PEPD: variants seen among roughly 807,000 people sequenced by gnomAD.
PEPD encodes the protein peptidase D.
A neutral mutation model predicts 60.7 loss-of-function variants in PEPD; 53 were observed. The ratio of observed to expected loss-of-function variants is 0.87; its 90% CI spans 0.70 to 1.10. The LOEUF (loss-of-function observed/expected upper bound fraction) is 1.10, where lower values mean the gene tolerates loss of function less well. Among genes scored for constraint, PEPD ranks in the 50% least tolerant of loss-of-function variants. The pLI, the probability that PEPD is intolerant of heterozygous loss-of-function variation, is 0.00. For synonymous variants in PEPD, 267 were observed against 284.1 expected (o/e 0.94, Z 0.60); for missense variants, 711 against 711.9 (o/e 1.00, Z 0.01).
chr19:33,387,580 G>A (rs1374617870), intron 14 of PEPD, 99 bp from the exon 15 acceptor site: 2 of 1,467,396 alleles, frequency 1.4e-6, no homozygotes, highest in Non-Finnish European at 1.9e-6. Flanking sequence ...TGGGATGGGA[G>A]CAGCTGACAC....
intron 11 of PEPD, among the ~76,000 whole-genome samples, chr19:33,405,812 G>A (rs534767992): frequency 3.9e-5 from 6 of 152,262 alleles, no homozygotes; most frequent in Non-Finnish European, 8.8e-5. Flanking sequence ...CCCCCTTTTC[G>A]TGTGACGGCC....
intron 9 of PEPD, among the ~76,000 whole-genome samples, chr19:33,450,163 T>C (rs1969669631): frequency 6.6e-6 from 1 of 152,228 alleles, no homozygotes; most frequent in Non-Finnish European, 1.5e-5. Flanking sequence ...GTGAACTTTA[T>C]GGCCTGAGTT....
At chr19:33,414,851 A>G (rs1408540693) in intron 9 of PEPD, among the ~76,000 whole-genome samples, 3 of 152,218 alleles carry the variant, frequency 2.0e-5, no homozygotes, top group Non-Finnish European at 4.4e-5. Flanking sequence ...TGCGAGTGAA[A>G]TATTTCCTGA....
chr19:33,449,996 C>A (rs1351477664), intron 9 of PEPD, among the ~76,000 whole-genome samples: 1 of 152,194 alleles, frequency 6.6e-6, no homozygotes, highest in East Asian at 1.9e-4. Context: ...CAGGAGTGGC[C>A]ACTGCCACTG....
At chr19:33,418,183 G>C (rs1472886601) in intron 9 of PEPD, among the ~76,000 whole-genome samples, 1 of 152,248 alleles carries the variant, frequency 6.6e-6, no homozygotes, top group Non-Finnish European at 1.5e-5. Flanking sequence ...GCTGTGTATA[G>C]TCGTCTCAGC....
rs149229868 is a variant in PEPD at position 33,510,296 on chromosome 19, T to G, written c.329+732A>C. Among the ~76,000 whole-genome samples, 95 of 150,666 alleles carry G rather than the reference T, an allele frequency of 6.3e-4. 1 individual carries two copies. Among genetic ancestry groups the G allele is most frequent in the African/African-American group, 2.2e-3 (90 of 40,954 alleles). On this transcript the variant is annotated intron_variant, in intron 3 of 14. Coordinates refer to ENST00000244137, the MANE Select transcript of PEPD (RefSeq NM_000285.4). ...TGGAGTGGTTTTAAGGAGCGGAGAG[T>G]TTAATAGGCAAGAAGGAAGGGAGAA...
chr19:33,425,482 C>A (rs933550620), intron 9 of PEPD, among the ~76,000 whole-genome samples: 2 of 151,916 alleles, frequency 1.3e-5, no homozygotes, highest in Non-Finnish European at 2.9e-5. Flanking sequence ...CGAGCAGGGG[C>A]AAGGGGAGGG....
At chr19:33,461,797 G>A (rs759961437) in intron 9 of PEPD, among the ~76,000 whole-genome samples, 10 of 152,180 alleles carry the variant, frequency 6.6e-5, no homozygotes, top group South Asian at 2.1e-4. Flanking sequence ...CCACGCAGAC[G>A]CAAGTGCTGG....
intron 9 of PEPD, among the ~76,000 whole-genome samples, chr19:33,417,638 C>T (rs1968917583): frequency 6.6e-6 from 1 of 152,166 alleles, no homozygotes; most frequent in South Asian, 2.1e-4. Context: ...GGAGTATACA[C>T]AATGGTGCCT....
In PEPD at chr19:33,419,293, G is replaced by A. The variant is rs115739497; in HGVS notation, c.672-5650C>T. The stretch of plus-strand genomic sequence containing the variant: ...CAGCTCCTGCCAGGGAGCCCCACAA[G>A]GCACTGCACTGTGGGGATGGGTGGG... On this transcript the variant is annotated intron_variant, in intron 9 of 14. Coordinates refer to ENST00000244137, the MANE Select transcript of PEPD (RefSeq NM_000285.4). Among the ~76,000 whole-genome samples, 88 of 152,318 alleles carry A rather than the reference G, an allele frequency of 5.8e-4. 1 individual carries two copies. Among genetic ancestry groups the A allele is most frequent in the Middle Eastern group, 3.4e-3 (1 of 294 alleles).
In PEPD at chr19:33,392,196, C is replaced by T. The variant is rs546295423; in HGVS notation, c.968-717G>A. ...GGCTTCAAATCCAACTCATCTCTGCCGCATGTTTGTGGGGCAAAGGCCACC... is the reference window on the plus strand; with the variant it reads ...GGCTTCAAATCCAACTCATCTCTGCTGCATGTTTGTGGGGCAAAGGCCACC... On this transcript the variant is annotated intron_variant, in intron 12 of 14. Transcript: ENST00000244137. 7.4e-4 allele frequency among the ~76,000 whole-genome samples: 112 copies of T among 152,280 alleles called. 3 individuals carry two copies. Among genetic ancestry groups the T allele is most frequent in the South Asian group, 1.0e-3 (5 of 4,826 alleles).
At chr19:33,391,552 T>A in intron 12 of PEPD, 73 bp from the exon 13 acceptor site, 1 of 1,361,948 alleles carries the variant, frequency 7.3e-7, no homozygotes, top group Middle Eastern at 2.5e-4. Context: ...GGCTGGGAGA[T>A]GTGAAGCCCT....
chr19:33,415,464 G>A (rs556108437), intron 9 of PEPD, among the ~76,000 whole-genome samples: 61 of 152,272 alleles, frequency 4.0e-4, no homozygotes, highest in African/African-American at 1.4e-3. Context: ...TTGAGGCCGG[G>A]AGTTCAAGAC....
chr19:33,513,544 T>C (rs1405264507), intron 1 of PEPD, among the ~76,000 whole-genome samples: 1 of 152,142 alleles, frequency 6.6e-6, no homozygotes, highest in East Asian at 1.9e-4. Flanking sequence ...CACCTCCCCA[T>C]GTCCCGTCTG....
chr19:33,507,662 C>T (rs1161309226), intron 3 of PEPD, among the ~76,000 whole-genome samples: 2 of 152,172 alleles, frequency 1.3e-5, no homozygotes, highest in South Asian at 2.1e-4. Context: ...GTGGGTTTTG[C>T]TTGCAAAGGC....
At chr19:33,419,157 G>A (rs1041846914) in intron 9 of PEPD, among the ~76,000 whole-genome samples, 2 of 152,136 alleles carry the variant, frequency 1.3e-5, no homozygotes, top group Admixed American at 1.3e-4. Flanking sequence ...TGGTCACAGG[G>A]TATATGGGGC....
intron 8 of PEPD, among the ~76,000 whole-genome samples, 182 bp from the exon 9 acceptor site, chr19:33,463,223 TAC>T (rs544184174): frequency 6.6e-6 from 1 of 152,316 alleles, no homozygotes; most frequent in Non-Finnish European, 1.5e-5. Flanking sequence ...CCAAAATCCA[TAC>T]AGTTTATTTA....
At chr19:33,434,493 A>C (rs1969337494) in intron 9 of PEPD, among the ~76,000 whole-genome samples, 1 of 151,914 alleles carries the variant, frequency 6.6e-6, no homozygotes, top group Non-Finnish European at 1.5e-5. Flanking sequence ...GCATCGGGGC[A>C]CCTCAGTAGG....
chr19:33,468,044 G>A (rs1271163072), intron 7 of PEPD, among the ~76,000 whole-genome samples: 2 of 152,120 alleles, frequency 1.3e-5, no homozygotes, highest in African/African-American at 2.4e-5. Flanking sequence ...AGCAGGAGCC[G>A]GGGTGCTATG....
Sources: allele counts gnomAD v4.1 joint callset (sites outside exome capture counted in the v4.1 genomes callset), GRCh38; gene constraint gnomAD v4.1.1; transcripts MANE v1.5; gene names NCBI Gene and HGNC (gene_info 2026-07-23, HGNC 2026-07-21).